ABI1: variants seen among roughly 807,000 people sequenced by gnomAD.
ABI1 encodes abl interactor 1, also known as Abelson interactor 1.
In ABI1, 14 loss-of-function variants were observed where a neutral mutation model predicts 54.6. The ratio of observed to expected loss-of-function variants is 0.26; its 90% CI spans 0.17 to 0.40. The LOEUF (loss-of-function observed/expected upper bound fraction) is 0.40, where lower values mean the gene tolerates loss of function less well. ABI1 is among the 10% of genes least tolerant of loss of function. The pLI is 1.00. For synonymous variants in ABI1, 194 were observed against 209.3 expected, an observed-to-expected ratio of 0.93 and a Z score of 0.63; for missense variants, 443 against 598.3, an observed-to-expected ratio of 0.74 and a Z score of 2.71.
At chr10:26,853,602 C>T (rs926250860) in intron 1 of ABI1, among the ~76,000 whole-genome samples, 5 of 149,740 alleles carry the variant, frequency 3.3e-5, no homozygotes, top group Non-Finnish European at 7.4e-5. Flanking sequence ...TTCAGTGGCA[C>T]AATCTCAGCT....
At chr10:26,847,153 CA>C (rs1371059950) in intron 1 of ABI1, among the ~76,000 whole-genome samples, 1 of 152,196 alleles carries the variant, frequency 6.6e-6, no homozygotes, top group Non-Finnish European at 1.5e-5. Flanking sequence ...CTAAGAAGCA[CA>C]ATACATATAA....
chr10:26,845,458 T>C (rs1245869640), intron 1 of ABI1, among the ~76,000 whole-genome samples: 3 of 150,458 alleles, frequency 2.0e-5, no homozygotes, highest in Admixed American at 6.6e-5. Flanking sequence ...GCCTGACCAA[T>C]ATGATGAAAC....
At chr10:26,806,870 A>C (rs2046908264) in intron 2 of ABI1, among the ~76,000 whole-genome samples, 2 of 152,238 alleles carry the variant, frequency 1.3e-5, no homozygotes, top group East Asian at 3.8e-4. Context: ...TCAGTATCCT[A>C]AAATTCCCTT....
At chr10:26,769,315 C>T (rs940264719) in intron 5 of ABI1, among the ~76,000 whole-genome samples, 13 of 152,226 alleles carry the variant, frequency 8.5e-5, no homozygotes, top group African/African-American at 2.9e-4. Context: ...TTTCTCAGTA[C>T]AGTCACCCAT....
chr10:26,859,544 G>A (rs75272744), intron 1 of ABI1, among the ~76,000 whole-genome samples: 2,354 of 152,286 alleles, frequency 0.015, 52 homozygotes, highest in African/African-American at 0.054. Context: ...AAAGGACTGT[G>A]CTACTTTGTT....
chr10:26,774,364 A>G (rs572337735), intron 3 of ABI1, among the ~76,000 whole-genome samples: 3 of 152,298 alleles, frequency 2.0e-5, no homozygotes, highest in East Asian at 3.9e-4. Context: ...ATTATGATCC[A>G]GGCTGTTAAT....
chr10:26,823,732 T>C (rs927564852), intron 1 of ABI1, among the ~76,000 whole-genome samples: 1 of 152,184 alleles, frequency 6.6e-6, no homozygotes, highest in African/African-American at 2.4e-5. Flanking sequence ...GAAATCCAAC[T>C]TCCTTGTTAT....
At chr10:26,833,380 A>C (rs1253145710) in intron 1 of ABI1, among the ~76,000 whole-genome samples, 5 of 152,178 alleles carry the variant, frequency 3.3e-5, no homozygotes, top group African/African-American at 4.8e-5. Context: ...TAGCCTCTGA[A>C]ATTTTAAGTT....
At chr10:26,779,762 A>C (rs1841873859) in intron 2 of ABI1, among the ~76,000 whole-genome samples, 1 of 152,134 alleles carries the variant, frequency 6.6e-6, no homozygotes, top group South Asian at 2.1e-4. Context: ...GATAACTGGA[A>C]AGGGCCTCAG....
intron 2 of ABI1, among the ~76,000 whole-genome samples, chr10:26,809,701 CTAAT>C (rs1207870859): frequency 2.0e-5 from 3 of 152,152 alleles, no homozygotes; most frequent in African/African-American, 7.2e-5. Context: ...CATATGGACA[CTAAT>C]TAATGTTACT....
At chr10:26,835,442 G>A (rs939862285) in intron 1 of ABI1, among the ~76,000 whole-genome samples, 1 of 151,986 alleles carries the variant, frequency 6.6e-6, no homozygotes, top group Non-Finnish European at 1.5e-5. Context: ...GGGTGTGGTG[G>A]TGCACACCTG....
intron 2 of ABI1, among the ~76,000 whole-genome samples, chr10:26,785,461 C>T (rs1293176761): frequency 6.6e-6 from 1 of 152,186 alleles, no homozygotes; most frequent in South Asian, 2.1e-4. Context: ...GTGGCTCATG[C>T]CTGTAATCCC....
chr10:26,840,029 A>G (rs1445835838), intron 1 of ABI1, among the ~76,000 whole-genome samples: 1 of 152,036 alleles, frequency 6.6e-6, no homozygotes, highest in African/African-American at 2.4e-5. Flanking sequence ...CAAATTCAAG[A>G]TTCTATGAAT....
rs71403891 is a variant in ABI1, at chr10:26,816,986, T to TTGTGTGTG, written c.285+6144_285+6151dup. ...TTTCCTAAGTAATTTTGCAAAGACTTTGTGTGTGTGTGTGTGTGTGTGTGT... is the reference window on the plus strand; with the variant it reads ...TTTCCTAAGTAATTTTGCAAAGACTTTGTGTGTGTGTGTGTGTGTGTGTGTGTGTGTGT... On this transcript the variant is annotated intron_variant, in intron 2 of 10. Coordinates refer to ENST00000376140, the MANE Select transcript of ABI1 (RefSeq NM_001012750.3). Among the ~76,000 whole-genome samples the TTGTGTGTG allele has an allele frequency of 8.8e-3, 1,262 of 143,852 alleles. 10 individuals are homozygous for TTGTGTGTG. The highest frequency in any genetic ancestry group is 0.028 in the East Asian group (137 of 4,960). 94.4% of individuals were successfully genotyped at this position (143,852 alleles called of 152,430 possible). A position where few individuals can be genotyped will look rare whatever the true frequency, so the allele number is the denominator to read the frequency against.
chr10:26,774,630 C>T (rs559408236), intron 3 of ABI1, among the ~76,000 whole-genome samples: 9 of 151,806 alleles, frequency 5.9e-5, no homozygotes, highest in East Asian at 3.9e-4. Context: ...TAACATGTAC[C>T]GTTTATTTCA....
intron 1 of ABI1, chr10:26,839,651 T>TAAAAAA: frequency 1.9e-6 from 1 of 529,966 alleles, no homozygotes; most frequent in Non-Finnish European, 3.3e-6. Flanking sequence ...TACTTCTGTT[T>TAAAAAA]AAAAAAAAAA....
intron 1 of ABI1, among the ~76,000 whole-genome samples, chr10:26,826,704 G>C (rs1259389567): frequency 6.6e-6 from 1 of 151,160 alleles, no homozygotes; most frequent in Non-Finnish European, 1.5e-5. Context: ...GTAACTTGCT[G>C]CAGCTTCTAC....
At chr10:26,784,200 T>G (rs1212774636) in intron 2 of ABI1, among the ~76,000 whole-genome samples, 2 of 152,166 alleles carry the variant, frequency 1.3e-5, no homozygotes, top group Non-Finnish European at 2.9e-5. Context: ...ACAACTTTGA[T>G]CACTACTCAA....
intron 2 of ABI1, among the ~76,000 whole-genome samples, chr10:26,796,199 TAGC>T (rs1443471431): frequency 2.0e-5 from 3 of 152,160 alleles, no homozygotes; most frequent in African/African-American, 4.8e-5. Flanking sequence ...AGATACAAAA[TAGC>T]AGATATTCAG....
Sources: allele counts gnomAD v4.1 joint callset (sites outside exome capture counted in the v4.1 genomes callset), GRCh38; gene constraint gnomAD v4.1.1; transcripts MANE v1.5; gene names NCBI Gene and HGNC (gene_info 2026-07-23, HGNC 2026-07-21).